Variants in RASGRP3 observed in about 807,000 individuals in gnomAD.
RASGRP3 encodes ras guanyl-releasing protein 3.
Under a neutral mutation model 82.7 loss-of-function variants are expected in RASGRP3, and 54 were observed. The ratio of observed to expected loss-of-function variants is 0.65; its 90% CI spans 0.52 to 0.82. The LOEUF is 0.82. Ranked by LOEUF, RASGRP3 falls within the 40% of genes least tolerant of loss-of-function variation. RASGRP3 has a pLI of 0.00. For synonymous variants in RASGRP3, 309 were observed against 300.5 expected (o/e 1.03, Z -0.29); for missense variants, 861 against 828.9 (o/e 1.04, Z -0.48).
chr2:33,501,692 C>T (rs111382851), intron 1 of RASGRP3, among the ~76,000 whole-genome samples: 3 of 152,268 alleles, frequency 2.0e-5, no homozygotes, highest in East Asian at 1.9e-4. Flanking sequence ...GAGTCATCAA[C>T]GTAGAGGTGG....
chr2:33,513,414 G>A (rs1430205729), intron 2 of RASGRP3, among the ~76,000 whole-genome samples: 1 of 152,170 alleles, frequency 6.6e-6, no homozygotes, highest in Admixed American at 6.5e-5. Flanking sequence ...CTATGAGCCT[G>A]TTGAAGGTAA....
chr2:33,482,839 CA>C (rs748447190), intron 1 of RASGRP3: 14 of 152,264 alleles, frequency 9.2e-5, no homozygotes, highest in South Asian at 2.1e-4. Flanking sequence ...AGCTTTGTGA[CA>C]AGAGTCTCTC....
intron 2 of RASGRP3, among the ~76,000 whole-genome samples, chr2:33,459,132 G>T (rs1372830410): frequency 6.6e-6 from 1 of 151,892 alleles, no homozygotes; most frequent in African/African-American, 2.4e-5. Context: ...ACATTTCTCG[G>T]ACTTTTTTTT....
rs1318131896 is a variant in RASGRP3, at chr2:33,503,994, AG to A, written c.-260-7715del. Among the ~76,000 whole-genome samples the A allele has an allele frequency of 2.0e-5, 3 of 152,224 alleles. 1 individual carries two copies. The highest frequency in any genetic ancestry group is 4.4e-5 in the Non-Finnish European group (3 of 68,038). The stretch of plus-strand genomic sequence containing the variant: ...CTTTAAAAAAATCCAAAGGTGGTTC[AG>A]AACTCAATATATCCCTACCTGACCC... On this transcript the variant is annotated intron_variant, in intron 1 of 17. Transcript: ENST00000403687.
intron 9 of RASGRP3, 105 bp from the exon 10 acceptor site, chr2:33,527,032 T>A (rs953079567): frequency 4.7e-5 from 56 of 1,198,224 alleles, no homozygotes; most frequent in Non-Finnish European, 6.3e-5. Context: ...GTGCAAGTGA[T>A]ACTTTTCTCA....
In RASGRP3 at chr2:33,554,207, G is replaced by C. The variant is rs193264778; in HGVS notation, c.1543-1324G>C. On this transcript the variant is annotated intron_variant, in intron 14 of 17. Coordinates refer to ENST00000403687, the MANE Select transcript of RASGRP3 (RefSeq NM_001139488.2). ...TGTGACTTACTCTTCTGGAAGAGCG[G>C]GCCATGCTGCCCACATGTGGGGGCA... Among the ~76,000 whole-genome samples, 681 of 152,120 alleles carry C rather than the reference G, an allele frequency of 4.5e-3. 6 individuals carry two copies. Among genetic ancestry groups the C allele is most frequent in the African/African-American group, 0.016 (656 of 41,476 alleles).
Position 33,558,319 on chromosome 2 carries a change from G to T in RASGRP3, c.1688G>T (p.Ser563Ile). The T allele has an allele frequency of 6.2e-7, 1 of 1,613,468 alleles. No individual in the cohort carries two copies. Among genetic ancestry groups the T allele is most frequent in the Non-Finnish European group, 8.5e-7 (1 of 1,179,870 alleles). Residue 563 changes from serine (S) to isoleucine (I), a missense_variant, in exon 16 of 18, where the codon AGC becomes ATC. By Grantham distance (142) the Ser-to-Ile change is moderately radical. Transcript: ENST00000403687. The part of the protein sequence containing the change: ...LSSGHGSLPG[S>I]PSLPPAQDEV... ...AGTGGTCATGGGTCACTGCCTGGAAGCCCCTCGCTGCCCCCAGGTAATGCC... is the reference window on the plus strand; with the variant it reads ...AGTGGTCATGGGTCACTGCCTGGAATCCCCTCGCTGCCCCCAGGTAATGCC...
At chr2:33,478,150 C>G (rs17648308) in intron 1 of RASGRP3, among the ~76,000 whole-genome samples, 13,361 of 152,226 alleles carry the variant, frequency 0.088, 804 homozygotes, top group South Asian at 0.23. Flanking sequence ...CCGCACCAAC[C>G]AATGTTCTCT....
chr2:33,484,120 A>G lies in RASGRP3; in HGVS notation c.-261+7413A>G, dbSNP rs547688481. Among the ~76,000 whole-genome samples, 7 of 152,286 alleles carry G rather than the reference A, an allele frequency of 4.6e-5. No homozygotes were observed. In the South Asian group the frequency reaches 1.0e-3, roughly 23 times the overall value. ...GAACCAAGTTTCCTTGGAGTCTTTT[A>G]CCTAAATTAACTTTGGGAAGATACC... is the stretch of plus-strand genomic sequence containing the variant. On this transcript the variant is annotated intron_variant, in intron 1 of 17. Coordinates refer to ENST00000403687, the MANE Select transcript of RASGRP3 (RefSeq NM_001139488.2).
intron 1 of RASGRP3, among the ~76,000 whole-genome samples, chr2:33,504,745 T>C (rs17013167): frequency 0.06 from 9,066 of 152,264 alleles, 552 homozygotes; most frequent in East Asian, 0.18. Context: ...TTCCATGCAA[T>C]GTCTTCATTC....
intron 2 of RASGRP3, among the ~76,000 whole-genome samples, chr2:33,453,845 T>C (rs1665914926): frequency 6.6e-6 from 1 of 152,268 alleles, no homozygotes; most frequent in African/African-American, 2.4e-5. Flanking sequence ...AAGTTTTTTA[T>C]GATAAACATA....
intron 13 of RASGRP3, among the ~76,000 whole-genome samples, chr2:33,546,105 C>T (rs367655940): frequency 1.3e-5 from 2 of 151,748 alleles, no homozygotes; most frequent in African/African-American, 4.8e-5. Flanking sequence ...CCACCGTGCC[C>T]AGCCAAGAAT....
At chr2:33,557,209 T>G (rs908071636) in intron 15 of RASGRP3, among the ~76,000 whole-genome samples, 1 of 152,112 alleles carries the variant, frequency 6.6e-6, no homozygotes, top group African/African-American at 2.4e-5. Context: ...AGTGGCCACA[T>G]TTTTCTACCC....
chr2:33,523,826 G>T (rs2151028109), intron 7 of RASGRP3, 53 bp from the exon 8 acceptor site: 7 of 1,460,388 alleles, frequency 4.8e-6, no homozygotes, highest in South Asian at 2.8e-5. Context: ...TCTAATTTTT[G>T]ATTTTACAAA....
intron 2 of RASGRP3, among the ~76,000 whole-genome samples, chr2:33,513,405 T>C (rs1337194146): frequency 6.6e-6 from 1 of 152,234 alleles, no homozygotes; most frequent in Non-Finnish European, 1.5e-5. Flanking sequence ...TGAAGTTGAC[T>C]ATGAGCCTGT....
At chr2:33,499,208 G>C (rs1669620458) in intron 1 of RASGRP3, among the ~76,000 whole-genome samples, 1 of 152,046 alleles carries the variant, frequency 6.6e-6, no homozygotes, top group African/African-American at 2.4e-5. Flanking sequence ...CCCTCCCTAA[G>C]GTGAACCACC....
At chr2:33,523,789 C>T (rs1208340728) in intron 7 of RASGRP3, 90 bp from the exon 8 acceptor site, 13 of 1,259,662 alleles carry the variant, frequency 1.0e-5, no homozygotes, top group Non-Finnish European at 1.4e-5. Context: ...TGTTACGAAA[C>T]AATATCTCAC....
intron 1 of RASGRP3, among the ~76,000 whole-genome samples, chr2:33,509,578 G>A (rs185360143): frequency 2.2e-4 from 33 of 152,156 alleles, no homozygotes; most frequent in African/African-American, 7.7e-4. Context: ...ATGTCTTTTC[G>A]ATTTCTCATA....
intron 1 of RASGRP3, among the ~76,000 whole-genome samples, chr2:33,494,730 G>A (rs1558442734): frequency 6.6e-6 from 1 of 152,170 alleles, no homozygotes; most frequent in African/African-American, 2.4e-5. Context: ...AAAGTATTGA[G>A]GGGGCATTGG....
Sources: allele counts gnomAD v4.1 joint callset (sites outside exome capture counted in the v4.1 genomes callset), GRCh38; gene constraint gnomAD v4.1.1; transcripts MANE v1.5; gene names NCBI Gene and HGNC (gene_info 2026-07-23, HGNC 2026-07-21).